LRRC37A2: variants seen among roughly 807,000 people sequenced by gnomAD.
The protein encoded by LRRC37A2 is leucine rich repeat containing 37 member A2.
In LRRC37A2, 9 loss-of-function variants were observed where a neutral mutation model predicts 68.8. That is an observed-to-expected ratio of 0.13 (90% confidence interval 0.08 to 0.23). The LOEUF (loss-of-function observed/expected upper bound fraction) is 0.23, where lower values mean the gene tolerates loss of function less well. LRRC37A2 is among the 10% of genes least tolerant of loss of function. The pLI, the probability that LRRC37A2 is intolerant of heterozygous loss-of-function variation, is 1.00. For synonymous variants in LRRC37A2, 63 were observed against 367.6 expected (o/e 0.17, Z 9.48); for missense variants, 168 against 950.4 (o/e 0.18, Z 10.82).
chr17:46,971,733 C>T, the LRRC37A2 span, among the ~76,000 whole-genome samples: 22 of 152,148 alleles, frequency 1.4e-4, no homozygotes, highest in African/African-American at 5.3e-4. Flanking sequence ...TCCTGCACCC[C>T]GACCTGCCTG....
At chr17:46,819,533 A>G in the LRRC37A2 span, among the ~76,000 whole-genome samples, 1 of 151,844 alleles carries the variant, frequency 6.6e-6, no homozygotes, top group Non-Finnish European at 1.5e-5. This position sits in a 1 kb window ranked among gnomAD's most constrained non-coding sequence, Gnocchi z 5.3. Context: ...CCTCAGTGGG[A>G]TTCTCGGTTG....
the LRRC37A2 span, among the ~76,000 whole-genome samples, chr17:46,958,644 G>A: frequency 6.6e-6 from 1 of 152,238 alleles, no homozygotes; most frequent in Non-Finnish European, 1.5e-5. Flanking sequence ...GGGGCCATCA[G>A]GGCATCGCCC....
chr17:46,918,407 T>G, the LRRC37A2 span, among the ~76,000 whole-genome samples: 1 of 152,138 alleles, frequency 6.6e-6, no homozygotes, highest in East Asian at 1.9e-4. Flanking sequence ...AAATTGCATA[T>G]ACAGACTGGG....
At chr17:46,992,344 G>A in the LRRC37A2 span, among the ~76,000 whole-genome samples, 1 of 152,122 alleles carries the variant, frequency 6.6e-6, no homozygotes, top group Non-Finnish European at 1.5e-5. Flanking sequence ...CTCCAGCCTG[G>A]GCAACAGAGC....
chr17:46,907,954 A>G, the LRRC37A2 span, among the ~76,000 whole-genome samples: 213 of 152,104 alleles, frequency 1.4e-3, 2 homozygotes, highest in Middle Eastern at 3.4e-3. Context: ...CCACAACTCC[A>G]TTTGGGAATG....
chr17:46,989,895 C>A, the LRRC37A2 span, among the ~76,000 whole-genome samples: 3 of 152,248 alleles, frequency 2.0e-5, no homozygotes, highest in Admixed American at 2.0e-4. Flanking sequence ...GCACTCCTGT[C>A]CCATGAATGA....
At chr17:47,014,392 GAA>G in the LRRC37A2 span, among the ~76,000 whole-genome samples, 3 of 99,458 alleles carry the variant, frequency 3.0e-5, no homozygotes, top group African/African-American at 4.2e-5. Context: ...TCCATCTCGA[GAA>G]AAAAAAAAAA....
the LRRC37A2 span, among the ~76,000 whole-genome samples, chr17:46,918,269 G>T: frequency 6.6e-6 from 1 of 152,138 alleles, no homozygotes; most frequent in African/African-American, 2.4e-5. Flanking sequence ...TAGTAGAGAA[G>T]AGGTTTCACC....
chr17:46,684,509 A>G, the LRRC37A2 span, among the ~76,000 whole-genome samples: 1 of 152,116 alleles, frequency 6.6e-6, no homozygotes, highest in Admixed American at 6.5e-5. Context: ...TCCTTCAGGA[A>G]TCACCACACT....
At chr17:46,795,720 C>T in the LRRC37A2 span, among the ~76,000 whole-genome samples, 2 of 152,178 alleles carry the variant, frequency 1.3e-5, no homozygotes, top group Non-Finnish European at 2.9e-5. Flanking sequence ...ACGATTCTGC[C>T]GCTGTGCAGT....
the LRRC37A2 span, chr17:47,005,862 A>G: frequency 1.3e-5 from 2 of 152,214 alleles, no homozygotes; most frequent in African/African-American, 4.8e-5. Context: ...TAAGACAATG[A>G]ATTTACTTCT....
At chr17:46,772,348 G>A in the LRRC37A2 span, among the ~76,000 whole-genome samples, 1 of 152,236 alleles carries the variant, frequency 6.6e-6, no homozygotes, top group Admixed American at 6.5e-5. Context: ...TCAACGCGGA[G>A]TGAATGGGTA....
At chr17:46,754,442 G>T in the LRRC37A2 span, among the ~76,000 whole-genome samples, 1 of 152,172 alleles carries the variant, frequency 6.6e-6, no homozygotes, top group African/African-American at 2.4e-5. Context: ...AGGGCAGGGA[G>T]TTCCCTCTTG....
the LRRC37A2 span, among the ~76,000 whole-genome samples, chr17:46,458,537 T>C: frequency 4.6e-5 from 3 of 65,704 alleles, no homozygotes; most frequent in African/African-American, 1.4e-4. Flanking sequence ...TCTTCTTTTT[T>C]TTTTTTTTTT....
At chr17:46,923,636 C>T in the LRRC37A2 span, 8 of 1,180,988 alleles carry the variant, frequency 6.8e-6, no homozygotes, top group Non-Finnish European at 8.5e-6. Flanking sequence ...AGTCAGGGCA[C>T]GTACGGGAAA....
chr17:46,969,186 T>G, the LRRC37A2 span, among the ~76,000 whole-genome samples: 1 of 152,194 alleles, frequency 6.6e-6, no homozygotes, highest in African/African-American at 2.4e-5. Flanking sequence ...TCCATCCACC[T>G]TCCCAGGTTT....
At chr17:46,762,661 A>G in the LRRC37A2 span, 3 of 151,768 alleles carry the variant, frequency 2.0e-5, no homozygotes, top group African/African-American at 7.2e-5. Context: ...ATAAAAAGAG[A>G]CTTTTTGAAT....
At chr17:47,038,317 A>G in the LRRC37A2 span, among the ~76,000 whole-genome samples, 19 of 152,008 alleles carry the variant, frequency 1.2e-4, no homozygotes, top group African/African-American at 4.3e-4. Flanking sequence ...TGAACAGTAA[A>G]AAAACAAAAT....
At chr17:46,778,732 G>A in the LRRC37A2 span, among the ~76,000 whole-genome samples, 1 of 152,214 alleles carries the variant, frequency 6.6e-6, no homozygotes, top group East Asian at 1.9e-4. Flanking sequence ...GACTCCAGCG[G>A]GGCTGTTTCA....
Sources: gnomAD v4.1 joint callset for allele counts (sites outside exome capture counted in the v4.1 genomes callset) on GRCh38, gnomAD v4.1.1 for gene constraint, Gnocchi (gnomAD v3.1) non-coding constraint, MANE v1.5 for transcripts, NCBI Gene and HGNC (gene_info 2026-07-23, HGNC 2026-07-21) for gene names.